The following NBAS variants were observed in gnomAD, a reference collection of about 807,000 sequenced individuals.
NBAS encodes NBAS subunit of NRZ tethering complex.
A neutral mutation model predicts 302.5 loss-of-function variants in NBAS; 219 were observed. The observed-to-expected ratio is 0.72, with a 90% confidence interval of 0.65 to 0.81. NBAS has a LOEUF of 0.81. NBAS is among the 30% of genes least tolerant of loss of function. The pLI is 0.00. For missense variants in NBAS, 2,932 were observed against 2,841.6 expected (o/e 1.03, Z -0.72); for synonymous variants, 1,118 against 1,021.6 (o/e 1.09, Z -1.80).
the NBAS span, among the ~76,000 whole-genome samples, chr2:15,031,236 A>C: frequency 6.6e-6 from 1 of 152,196 alleles, no homozygotes; most frequent in Non-Finnish European, 1.5e-5. Context: ...CAACAATCTC[A>C]TGTTAACTGC....
chr2:15,218,254 T>G (rs1180038809), intron 48 of NBAS, among the ~76,000 whole-genome samples: 1 of 152,214 alleles, frequency 6.6e-6, no homozygotes, highest in African/African-American at 2.4e-5. Flanking sequence ...TTGTGTATAA[T>G]CTACCATGCA....
the NBAS span, among the ~76,000 whole-genome samples, chr2:15,092,035 G>A: frequency 6.6e-6 from 1 of 152,220 alleles, no homozygotes; most frequent in African/African-American, 2.4e-5. Flanking sequence ...GAAGGTCAAT[G>A]TGCCAATTCC....
At chr2:15,265,992 AC>A (rs1669058460) in intron 44 of NBAS, among the ~76,000 whole-genome samples, 1 of 152,150 alleles carries the variant, frequency 6.6e-6, no homozygotes, top group Non-Finnish European at 1.5e-5. Flanking sequence ...AATTGTAATA[AC>A]CCCCATGTGT....
intron 9 of NBAS, among the ~76,000 whole-genome samples, chr2:15,523,854 T>C (rs905045079): frequency 6.6e-6 from 1 of 152,050 alleles, no homozygotes; most frequent in African/African-American, 2.4e-5. Context: ...ACAGATGTTG[T>C]AGTAAGCCGA....
the NBAS span, among the ~76,000 whole-genome samples, chr2:14,866,034 C>G: frequency 6.6e-6 from 1 of 152,108 alleles, no homozygotes; most frequent in Non-Finnish European, 1.5e-5. Flanking sequence ...CAGCTACAGT[C>G]TCTCGGGCCA....
intron 44 of NBAS, 102 bp from the exon 45 acceptor site, chr2:15,238,788 A>C (rs1363911211): frequency 9.3e-7 from 1 of 1,074,714 alleles, no homozygotes; most frequent in African/African-American, 1.6e-5. Flanking sequence ...TTTTGTATAT[A>C]TGATTTTAAC....
At chr2:14,795,621 A>T in the NBAS span, among the ~76,000 whole-genome samples, 3 of 152,238 alleles carry the variant, frequency 2.0e-5, no homozygotes, top group Non-Finnish European at 4.4e-5. Context: ...TTGGTGTTAT[A>T]TCAAAAAGAC....
In NBAS at chr2:15,167,010, A is replaced by G. The variant is rs981852201; in HGVS notation, c.*38T>C. The G allele has an allele frequency of 6.0e-6, 9 of 1,509,932 alleles. No homozygotes were observed. The highest frequency in any genetic ancestry group is 8.0e-6 in the Non-Finnish European group (9 of 1,129,186). 93.5% of individuals were successfully genotyped at this position (1,509,932 alleles called of 1,614,324 possible). ...TTCTGGGAACAGCATTCAACTCCAG[A>G]TGCTTTTTCTGCTAAGGAGCAGGGC... is the stretch of plus-strand genomic sequence containing the variant. On this transcript the variant is annotated 3_prime_UTR_variant, in exon 52 of 52. Transcript: ENST00000281513.
chr2:15,554,229 A>C, intron 3 of NBAS, 91 bp from the exon 4 acceptor site: 2 of 1,069,922 alleles, frequency 1.9e-6, no homozygotes, highest in Non-Finnish European at 2.8e-6. Flanking sequence ...AGAGAGAGAC[A>C]CAGATTTTTT....
At chr2:15,062,296 A>G in the NBAS span, among the ~76,000 whole-genome samples, 3 of 152,348 alleles carry the variant, frequency 2.0e-5, no homozygotes, top group Non-Finnish European at 2.9e-5. Flanking sequence ...TCTGAGCACC[A>G]TCTATTATCC....
intron 48 of NBAS, among the ~76,000 whole-genome samples, chr2:15,208,420 T>C (rs550500543): frequency 6.6e-6 from 1 of 152,266 alleles, no homozygotes; most frequent in African/African-American, 2.4e-5. Context: ...GTTGGGGACA[T>C]AGCCAAACCA....
At chr2:15,552,872 A>G (rs1433912874) in intron 5 of NBAS, among the ~76,000 whole-genome samples, 1 of 150,484 alleles carries the variant, frequency 6.6e-6, no homozygotes, top group African/African-American at 2.5e-5. Flanking sequence ...GGCTCACTGC[A>G]ACTAGTTCTC....
chr2:14,832,138 C>A, the NBAS span, among the ~76,000 whole-genome samples: 1 of 152,166 alleles, frequency 6.6e-6, no homozygotes, highest in Non-Finnish European at 1.5e-5. Context: ...CCCCCACCCT[C>A]CACCCTTCTC....
At chr2:15,062,719 T>C in the NBAS span, among the ~76,000 whole-genome samples, 1 of 152,182 alleles carries the variant, frequency 6.6e-6, no homozygotes, top group Non-Finnish European at 1.5e-5. Flanking sequence ...CTGATTAACA[T>C]TCATGGTTTA....
the NBAS span, among the ~76,000 whole-genome samples, chr2:15,092,687 G>A: frequency 0.97 from 147,598 of 152,328 alleles, 71,550 homozygotes; most frequent in East Asian, 1. Flanking sequence ...ACTTCCTCCA[G>A]TATGTCCAAT....
intron 38 of NBAS, among the ~76,000 whole-genome samples, chr2:15,312,221 A>G (rs998558821): frequency 1.3e-5 from 2 of 152,132 alleles, no homozygotes; most frequent in Non-Finnish European, 2.9e-5. Context: ...GTTCTTCACT[A>G]TCTCTTAATC....
the NBAS span, among the ~76,000 whole-genome samples, chr2:14,960,252 A>G: frequency 0.83 from 126,604 of 152,170 alleles, 53,034 homozygotes; most frequent in African/African-American, 0.93. Context: ...ACAGCGTTTC[A>G]TCCATACTCC....
the NBAS span, among the ~76,000 whole-genome samples, chr2:15,048,782 C>G: frequency 6.6e-6 from 1 of 152,250 alleles, no homozygotes; most frequent in Non-Finnish European, 1.5e-5. Context: ...CACATATCCC[C>G]AAGTCCTGCA....
chr2:15,209,468 C>A (rs1027180359), intron 48 of NBAS, among the ~76,000 whole-genome samples: 18 of 151,936 alleles, frequency 1.2e-4, no homozygotes, highest in Non-Finnish European at 1.9e-4. Flanking sequence ...TGATACTAAA[C>A]CCAGACAAAG....
Sources: gnomAD v4.1 joint callset for allele counts (sites outside exome capture counted in the v4.1 genomes callset) on GRCh38, gnomAD v4.1.1 for gene constraint, MANE v1.5 for transcripts, NCBI Gene and HGNC (gene_info 2026-07-23, HGNC 2026-07-21) for gene names.